The following ARHGAP42 variants were observed in gnomAD, a reference collection of about 807,000 sequenced individuals.
ARHGAP42 encodes the protein rho GTPase-activating protein 42.
ARHGAP42 carries 63 observed loss-of-function variants against 125.0 expected under a neutral mutation model. That is an observed-to-expected ratio of 0.50 (90% CI 0.41 to 0.62). The LOEUF (loss-of-function observed/expected upper bound fraction) is 0.62, where lower values mean the gene tolerates loss of function less well. Ranked by LOEUF, ARHGAP42 falls within the 20% of genes least tolerant of loss-of-function variation. ARHGAP42 has a pLI of 0.00. For missense variants in ARHGAP42, 766 were observed against 1,024.2 expected (o/e 0.75, Z 3.44); for synonymous variants, 339 against 351.0 (o/e 0.97, Z 0.38).
At chr11:100,824,769 T>C (rs944276073) in intron 3 of ARHGAP42, among the ~76,000 whole-genome samples, 1 of 152,218 alleles carries the variant, frequency 6.6e-6, no homozygotes, top group African/African-American at 2.4e-5. Context: ...TATAAACTTA[T>C]GTCTGTGAAA....
At chr11:100,831,653 T>C (rs1864665946) in intron 3 of ARHGAP42, among the ~76,000 whole-genome samples, 1 of 152,276 alleles carries the variant, frequency 6.6e-6, no homozygotes, top group South Asian at 2.1e-4. Context: ...GGGGGTTGCT[T>C]GTGGGGAATT....
intron 6 of ARHGAP42, among the ~76,000 whole-genome samples, chr11:100,924,238 CA>C (rs1867358481): frequency 6.6e-6 from 1 of 151,964 alleles, no homozygotes; most frequent in Admixed American, 6.6e-5. Flanking sequence ...AAAATATGAA[CA>C]GGGGATAGTG....
intron 1 of ARHGAP42, among the ~76,000 whole-genome samples, chr11:100,768,027 C>T (rs1862872050): frequency 1.3e-5 from 2 of 152,106 alleles, no homozygotes; most frequent in African/African-American, 4.8e-5. Context: ...ATCTTGAGTG[C>T]CCACGTTGAT....
chr11:100,902,613 G>C (rs1330889441), intron 4 of ARHGAP42, among the ~76,000 whole-genome samples: 1 of 152,062 alleles, frequency 6.6e-6, no homozygotes, highest in African/African-American at 2.4e-5. Context: ...TCTTGCTCAG[G>C]AGTATCTGAG....
intron 1 of ARHGAP42, among the ~76,000 whole-genome samples, chr11:100,703,037 A>G (rs1861423128): frequency 6.6e-6 from 1 of 152,166 alleles, no homozygotes; most frequent in Non-Finnish European, 1.5e-5. Context: ...ACCAGTTTGC[A>G]TTTTACTAAG....
At chr11:100,755,480 CAG>C (rs1862549689) in intron 1 of ARHGAP42, among the ~76,000 whole-genome samples, 1 of 152,202 alleles carries the variant, frequency 6.6e-6, no homozygotes, top group Non-Finnish European at 1.5e-5. Context: ...CCTGAAAATA[CAG>C]AGAGATATTA....
Position 100,962,483 on chromosome 11 carries a change from TCATA to T in ARHGAP42, c.1444+17_1444+20del. On this transcript the variant is annotated intron_variant, in intron 16 of 23. Coordinates refer to ENST00000298815, the MANE Select transcript of ARHGAP42 (RefSeq NM_152432.4). The stretch of plus-strand genomic sequence containing the variant: ...ATTGCTGTTAGTAAGTATACTTGCA[TCATA>T]TACACATTATAATTGATGTAGTTTT... 6.5e-7 allele frequency: 1 copy of T among 1,532,088 alleles called. No individual in the cohort carries two copies. Among genetic ancestry groups the T allele is most frequent in the South Asian group, 1.2e-5 (1 of 83,532 alleles). 94.9% of individuals were successfully genotyped at this position (1,532,088 alleles called of 1,614,324 possible).
At chr11:100,775,985 C>T (rs985904348) in intron 2 of ARHGAP42, among the ~76,000 whole-genome samples, 2 of 151,984 alleles carry the variant, frequency 1.3e-5, no homozygotes, top group Non-Finnish European at 2.9e-5. Flanking sequence ...CATGGTGAAA[C>T]CCCATCTCTA....
chr11:100,727,466 G>A (rs1180159139), intron 1 of ARHGAP42, among the ~76,000 whole-genome samples: 1 of 152,164 alleles, frequency 6.6e-6, no homozygotes, highest in Non-Finnish European at 1.5e-5. Flanking sequence ...TGCCCTTCTG[G>A]ATAAGGGCTG....
At position 100,961,754 on chromosome 11, in the gene ARHGAP42, G is replaced by C. The variant is rs2135300808; in HGVS notation, c.1371G>C (p.Leu457=). 6.4e-7 allele frequency: 1 copy of C among 1,551,574 alleles called. No homozygotes were observed. The highest frequency in any genetic ancestry group is 2.4e-5 in the East Asian group (1 of 40,888). ...ACAATAAGACGATAACAAGTGGGCT[G>C]AAAAACTACCTCAGGTGAGGAGGGT... The part of the protein sequence containing the change: ...LWDNKTITSG[L]KNYLRCLAEP... The change falls in exon 15 of 24, where the codon CTG becomes CTC. Residue 457 remains leucine (L), a synonymous_variant. Coordinates refer to ENST00000298815, the MANE Select transcript of ARHGAP42 (RefSeq NM_152432.4).
At chr11:100,701,912 A>T (rs1861403758) in intron 1 of ARHGAP42, among the ~76,000 whole-genome samples, 1 of 151,878 alleles carries the variant, frequency 6.6e-6, no homozygotes, top group African/African-American at 2.4e-5. Flanking sequence ...TCATAATTTG[A>T]CTGACAACAG....
At chr11:100,729,641 A>G (rs1207413453) in intron 1 of ARHGAP42, among the ~76,000 whole-genome samples, 1 of 152,132 alleles carries the variant, frequency 6.6e-6, no homozygotes, top group African/African-American at 2.4e-5. Flanking sequence ...ATTAAAGCTA[A>G]CTTTAAAAAA....
At chr11:100,980,313 A>G (rs1289698441) in intron 22 of ARHGAP42, among the ~76,000 whole-genome samples, 2 of 152,068 alleles carry the variant, frequency 1.3e-5, no homozygotes, top group African/African-American at 4.8e-5. Flanking sequence ...CTTTAGTGTA[A>G]GGGATTTAAC....
rs1863129648 is a variant in ARHGAP42 at position 100,776,582 on chromosome 11, C to T, written c.250+6144C>T. Among the ~76,000 whole-genome samples, 3 of 152,282 alleles carry T rather than the reference C, an allele frequency of 2.0e-5. No homozygotes were observed. In the South Asian group the frequency reaches 6.2e-4, roughly 32 times the overall value. On this transcript the variant is annotated intron_variant, in intron 2 of 23. Coordinates refer to ENST00000298815, the MANE Select transcript of ARHGAP42 (RefSeq NM_152432.4). ...GTTTGGATCAAACTATATTTTTTAA[C>T]AATCCCCCAGCTATTTCTGACATAA...
At chr11:100,746,735 A>T (rs1176750085) in intron 1 of ARHGAP42, among the ~76,000 whole-genome samples, 3 of 152,234 alleles carry the variant, frequency 2.0e-5, no homozygotes, top group Non-Finnish European at 4.4e-5. Context: ...GATCCTTTCC[A>T]GTGACCTCTG....
At chr11:100,753,500 C>A (rs758083019) in intron 1 of ARHGAP42, among the ~76,000 whole-genome samples, 3 of 152,168 alleles carry the variant, frequency 2.0e-5, no homozygotes, top group African/African-American at 7.2e-5. Flanking sequence ...GAAAGTGCTT[C>A]CCACTCAACC....
chr11:100,808,662 C>T (rs1422991843), intron 3 of ARHGAP42, among the ~76,000 whole-genome samples: 2 of 151,966 alleles, frequency 1.3e-5, no homozygotes, highest in African/African-American at 4.8e-5. Flanking sequence ...GCCTCGGCCT[C>T]CCAAAGTGCT....
At chr11:100,974,125 T>G (rs762254775) in intron 18 of ARHGAP42, among the ~76,000 whole-genome samples, 5 of 152,200 alleles carry the variant, frequency 3.3e-5, no homozygotes, top group African/African-American at 4.8e-5. Flanking sequence ...AGAAATGATA[T>G]AGAGTGAGCC....
intron 1 of ARHGAP42, among the ~76,000 whole-genome samples, chr11:100,769,743 T>TTTTTA (rs1862927903): frequency 1.9e-5 from 1 of 51,620 alleles, no homozygotes; most frequent in Non-Finnish European, 3.5e-5. Context: ...TTTTTTTTTT[T>TTTTTA]AAGAAAAAAT....
Sources: gnomAD v4.1 joint callset for allele counts (sites outside exome capture counted in the v4.1 genomes callset) on GRCh38, gnomAD v4.1.1 for gene constraint, MANE v1.5 for transcripts, NCBI Gene and HGNC (gene_info 2026-07-23, HGNC 2026-07-21) for gene names.